MCC: variants seen among roughly 807,000 people sequenced by gnomAD.
The protein encoded by MCC is colorectal mutant cancer protein.
MCC carries 90 observed loss-of-function variants against 116.2 expected under a neutral mutation model. That is an observed-to-expected ratio of 0.77 (90% CI 0.65 to 0.92). The LOEUF (loss-of-function observed/expected upper bound fraction) is 0.92. MCC is among the 40% of genes least tolerant of loss of function. The pLI is 0.00. For synonymous variants in MCC, 578 were observed against 510.5 expected (o/e 1.13, Z -1.78); for missense variants, 1,516 against 1,312.2 (o/e 1.16, Z -2.40).
chr5:113,346,303 T>C (rs1768130893), intron 2 of MCC, among the ~76,000 whole-genome samples: 1 of 151,602 alleles, frequency 6.6e-6, no homozygotes, highest in African/African-American at 2.4e-5. Context: ...GGGTAGAAAG[T>C]TTATTGAAAG....
At chr5:113,271,908 T>C (rs952151527) in intron 3 of MCC, among the ~76,000 whole-genome samples, 1 of 152,158 alleles carries the variant, frequency 6.6e-6, no homozygotes, top group African/African-American at 2.4e-5. Context: ...TAAATTCCTA[T>C]TAATAAATTA....
chr5:113,132,103 A>T (rs889183623), intron 5 of MCC, among the ~76,000 whole-genome samples: 1 of 151,996 alleles, frequency 6.6e-6, no homozygotes, highest in African/African-American at 2.4e-5. Context: ...AATAACGATT[A>T]ATTTTTTATT....
At chr5:113,329,900 A>C (rs1767658436) in intron 3 of MCC, among the ~76,000 whole-genome samples, 1 of 152,190 alleles carries the variant, frequency 6.6e-6, no homozygotes, top group African/African-American at 2.4e-5. Flanking sequence ...GAGTGATCTA[A>C]AACATAACTG....
At chr5:113,075,261 G>C (rs1754352306) in intron 11 of MCC, among the ~76,000 whole-genome samples, 1 of 152,228 alleles carries the variant, frequency 6.6e-6, no homozygotes, top group Non-Finnish European at 1.5e-5. Flanking sequence ...CTGGGCCTCA[G>C]CTGCCTCCCC....
chr5:113,371,874 T>C (rs1768844246), intron 2 of MCC, among the ~76,000 whole-genome samples: 2 of 152,212 alleles, frequency 1.3e-5, no homozygotes, highest in Admixed American at 1.3e-4. Flanking sequence ...GAATGAACAA[T>C]GGACAATGGA....
chr5:113,115,195 T>C (rs1203058968), intron 6 of MCC, among the ~76,000 whole-genome samples: 3 of 152,118 alleles, frequency 2.0e-5, no homozygotes, highest in African/African-American at 7.2e-5. Context: ...ACCTGTGTGC[T>C]CCTCCTCCCT....
chr5:113,112,161 G>C (rs556923019), intron 6 of MCC, among the ~76,000 whole-genome samples: 3 of 152,292 alleles, frequency 2.0e-5, no homozygotes, highest in South Asian at 2.1e-4. Context: ...CCTGGGGATC[G>C]GTACTTGCTT....
chr5:113,078,271 T>C (rs373757968), intron 11 of MCC, among the ~76,000 whole-genome samples: 18 of 152,236 alleles, frequency 1.2e-4, no homozygotes, highest in African/African-American at 3.9e-4. Context: ...TTCCAATCAA[T>C]AGAAAAAGAG....
chr5:113,276,805 A>C lies in MCC; in HGVS notation c.627+63714T>G, dbSNP rs940552032. Among the ~76,000 whole-genome samples the C allele has an allele frequency of 3.7e-4, 48 of 129,112 alleles. No homozygotes were observed. In the Middle Eastern group the frequency reaches 0.016, roughly 42 times the overall value. The allele number at this position is 129,112 out of a possible 152,430, so 84.7% of individuals were successfully genotyped here. ...CCACACCCAACTAATTTTTCTTCTT[A>C]TTTTTTTTTTTTTTTTGTAGAGATG... On this transcript the variant is annotated intron_variant, in intron 3 of 18. Transcript: ENST00000408903.
chr5:113,239,135 G>A (rs540214972), intron 3 of MCC, among the ~76,000 whole-genome samples: 6 of 152,224 alleles, frequency 3.9e-5, no homozygotes, highest in Non-Finnish European at 8.8e-5. Context: ...GGACATACAA[G>A]CTGTTAAAGC....
intron 3 of MCC, among the ~76,000 whole-genome samples, chr5:113,205,599 G>T (rs9326880): frequency 3.9e-5 from 6 of 152,122 alleles, no homozygotes; most frequent in South Asian, 4.1e-4. Context: ...TGCTATCAGA[G>T]GGCATGTTCT....
intron 3 of MCC, among the ~76,000 whole-genome samples, chr5:113,276,275 G>C (rs756540500): frequency 2.0e-5 from 3 of 152,194 alleles, no homozygotes; most frequent in Non-Finnish European, 4.4e-5. Flanking sequence ...GGCCTGGGTA[G>C]AACAACAGAT....
chr5:113,297,182 G>C (rs1766734893), intron 3 of MCC, among the ~76,000 whole-genome samples: 1 of 152,206 alleles, frequency 6.6e-6, no homozygotes, highest in African/African-American at 2.4e-5. Context: ...TATCAAGACA[G>C]TTCAGCAAGA....
intron 1 of MCC, among the ~76,000 whole-genome samples, chr5:113,442,191 A>G (rs560390006): frequency 3.2e-4 from 48 of 152,248 alleles, no homozygotes; most frequent in South Asian, 2.9e-3. Flanking sequence ...AATGATCCCC[A>G]TTCTAACTGG....
At chr5:113,100,957 C>G (rs1270437293) in intron 8 of MCC, among the ~76,000 whole-genome samples, 2 of 152,194 alleles carry the variant, frequency 1.3e-5, no homozygotes, top group African/African-American at 4.8e-5. Context: ...AGTCCAATCA[C>G]AGATCAAACT....
chr5:113,322,267 G>A (rs1212408111), intron 3 of MCC, among the ~76,000 whole-genome samples: 1 of 152,192 alleles, frequency 6.6e-6, no homozygotes, highest in Admixed American at 6.5e-5. Context: ...AAGTCTATAA[G>A]TAAATATGTA....
At chr5:113,366,835 C>T (rs1768700186) in intron 2 of MCC, among the ~76,000 whole-genome samples, 1 of 152,106 alleles carries the variant, frequency 6.6e-6, no homozygotes, top group Admixed American at 6.6e-5. Context: ...CAGGATCTTA[C>T]TCTATCACCC....
At chr5:113,051,289 A>G (rs551676278) in intron 15 of MCC, among the ~76,000 whole-genome samples, 4 of 152,364 alleles carry the variant, frequency 2.6e-5, no homozygotes, top group African/African-American at 9.6e-5. Context: ...ATGAATCAGC[A>G]CTGACGAAGA....
Position 113,309,546 on chromosome 5 carries a change from G to GT in MCC, c.627+30972dup, listed in dbSNP as rs570802724. On this transcript the variant is annotated intron_variant, in intron 3 of 18. Coordinates refer to ENST00000408903, the MANE Select transcript of MCC (RefSeq NM_001085377.2). The stretch of plus-strand genomic sequence containing the variant: ...GTTGCTGCAAAGACAGTATTTCATT[G>GT]TTTTTTTCCAATGGCTCAGTAGTAT... Among the ~76,000 whole-genome samples the GT allele has an allele frequency of 3.3e-3, 495 of 152,230 alleles. 2 individuals are homozygous for GT. The highest frequency in any genetic ancestry group is 4.8e-3 in the Non-Finnish European group (325 of 68,012).
Sources: allele counts gnomAD v4.1 joint callset (sites outside exome capture counted in the v4.1 genomes callset), GRCh38; gene constraint gnomAD v4.1.1; transcripts MANE v1.5; gene names NCBI Gene and HGNC (gene_info 2026-07-23, HGNC 2026-07-21).